The following NFIB variants were observed in gnomAD, a reference collection of about 807,000 sequenced individuals.
NFIB encodes nuclear factor I B.
In NFIB, 11 loss-of-function variants were observed where a neutral mutation model predicts 61.5. That is an observed-to-expected ratio of 0.18 (90% CI 0.11 to 0.30). NFIB has a LOEUF of 0.30. Among genes scored for constraint, NFIB ranks in the 10% least tolerant of loss-of-function variants. The pLI is 1.00. For missense variants in NFIB, 471 were observed against 608.9 expected (o/e 0.77, Z 2.38); for synonymous variants, 260 against 216.5 (o/e 1.20, Z -1.76).
Position 14,327,027 on chromosome 9 carries a change from G to A in NFIB, c.109-19507C>T, listed in dbSNP as rs2060761903. Among the ~76,000 whole-genome samples, 4 of 152,074 alleles carry A rather than the reference G, an allele frequency of 2.6e-5. No homozygotes were observed. The South Asian group carries it at 8.3e-4, about 32-fold the overall frequency. ...TAATGATTAAATTGAGCATAAAAAA[G>A]CAAGTGTTTTCTGCAAAAAATTTCA... On this transcript the variant is annotated intron_variant, in intron 1 of 8. Coordinates refer to the NFIB transcript ENST00000380934.
chr9:14,265,569 G>T (rs922396546), intron 2 of NFIB, among the ~76,000 whole-genome samples: 1 of 152,116 alleles, frequency 6.6e-6, no homozygotes, highest in Non-Finnish European at 1.5e-5. Context: ...CTCCAGTGAG[G>T]AAATAAATTT....
chr9:14,193,108 A>C (rs542065661), intron 2 of NFIB, among the ~76,000 whole-genome samples: 2 of 151,488 alleles, frequency 1.3e-5, no homozygotes, highest in South Asian at 4.2e-4. Flanking sequence ...ATGCATACTG[A>C]TACATAAAAA....
At chr9:14,265,598 A>G (rs1196113346) in intron 2 of NFIB, among the ~76,000 whole-genome samples, 1 of 152,198 alleles carries the variant, frequency 6.6e-6, no homozygotes, top group African/African-American at 2.4e-5. Flanking sequence ...TAAGCAACAC[A>G]GTCTATAGTA....
chr9:14,320,505 T>G (rs990767114), intron 1 of NFIB, among the ~76,000 whole-genome samples: 3 of 152,184 alleles, frequency 2.0e-5, no homozygotes, highest in Admixed American at 1.3e-4. Context: ...AATGAAAACA[T>G]CAAACCTCAA....
the NFIB span, among the ~76,000 whole-genome samples, chr9:14,408,728 T>C: frequency 6.6e-6 from 1 of 152,312 alleles, no homozygotes; most frequent in East Asian, 1.9e-4. Context: ...AAAATTACAA[T>C]AGAATCAGAG....
At chr9:14,452,105 G>T in the NFIB span, among the ~76,000 whole-genome samples, 1 of 151,988 alleles carries the variant, frequency 6.6e-6, no homozygotes, top group East Asian at 1.9e-4. Context: ...GCAGCAATTT[G>T]CATTTCTGGT....
the NFIB span, among the ~76,000 whole-genome samples, chr9:14,513,694 GT>G: frequency 7.9e-5 from 12 of 151,168 alleles, no homozygotes; most frequent in Admixed American, 2.0e-4. Context: ...AAAAGCTATA[GT>G]TTTTTTTCTT....
the NFIB span, among the ~76,000 whole-genome samples, chr9:14,472,799 C>G: frequency 6.6e-6 from 1 of 151,892 alleles, no homozygotes; most frequent in Non-Finnish European, 1.5e-5. Flanking sequence ...CGAGATCGAG[C>G]CAACGCACTG....
At chr9:14,298,029 T>C (rs1162168673) in intron 2 of NFIB, among the ~76,000 whole-genome samples, 1 of 152,170 alleles carries the variant, frequency 6.6e-6, no homozygotes, top group Admixed American at 6.5e-5. Context: ...TTTTACATGC[T>C]GGCAAAAGTC....
upstream of NFIB, chr9:14,314,276 C>T (rs945334577): frequency 9.7e-6 from 5 of 514,262 alleles, no homozygotes; most frequent in Admixed American, 6.4e-5. Context: ...GGCGCGTGGT[C>T]CCCGGCAGCA....
intron 2 of NFIB, among the ~76,000 whole-genome samples, chr9:14,287,014 A>G (rs530111861): frequency 6.6e-6 from 1 of 152,322 alleles, no homozygotes; most frequent in Non-Finnish European, 1.5e-5. Context: ...AAGAACTTTC[A>G]TTCACTTTTT....
At chr9:14,434,102 G>A in the NFIB span, among the ~76,000 whole-genome samples, 22 of 152,124 alleles carry the variant, frequency 1.4e-4, no homozygotes, top group East Asian at 3.8e-4. Flanking sequence ...GCCTAAATAC[G>A]TACATTTTCT....
the NFIB span, among the ~76,000 whole-genome samples, chr9:14,515,947 C>T: frequency 6.6e-6 from 1 of 152,256 alleles, no homozygotes; most frequent in Admixed American, 6.5e-5. Flanking sequence ...CATTCAAAGG[C>T]TGTGACTGCT....
chr9:14,282,202 G>C (rs1225457629), intron 2 of NFIB, among the ~76,000 whole-genome samples: 1 of 152,084 alleles, frequency 6.6e-6, no homozygotes, highest in East Asian at 1.9e-4. Context: ...CATTTTTTCA[G>C]TAACCATTCA....
At chr9:14,222,777 C>G (rs1465870194) in intron 2 of NFIB, among the ~76,000 whole-genome samples, 25 of 87,320 alleles carry the variant, frequency 2.9e-4, no homozygotes, top group Non-Finnish European at 3.9e-4. Flanking sequence ...GCCTGGGCAA[C>G]AGAGTAAGAT....
chr9:14,137,109 T>C lies in NFIB; in HGVS notation c.925+9580A>G, dbSNP rs571169889. Among the ~76,000 whole-genome samples, 23 of 152,294 alleles carry C rather than the reference T, an allele frequency of 1.5e-4. No individual in the cohort carries two copies. The South Asian group carries it at 3.1e-3, about 21-fold the overall frequency. ...GAGATAATGTCAATGAAACCGAATATTGTCACAGGATAATGGTCTCCCATT... is the reference window on the plus strand; with the variant it reads ...GAGATAATGTCAATGAAACCGAATACTGTCACAGGATAATGGTCTCCCATT... On this transcript the variant is annotated intron_variant, in intron 6 of 10. Coordinates refer to ENST00000380953, the MANE Select transcript of NFIB (RefSeq NM_001190737.2).
rs370593110 is a variant in NFIB, at chr9:14,196,526, C to T, written c.563-16746G>A. On this transcript the variant is annotated intron_variant, in intron 2 of 10. Coordinates refer to ENST00000380953, the MANE Select transcript of NFIB (RefSeq NM_001190737.2). ...CACTGGACACCTGAGAAGCCAAAAG[C>T]GCTACACCAAAATATACCACCTTTA... Among the ~76,000 whole-genome samples the T allele has an allele frequency of 1.1e-4, 16 of 152,170 alleles. No individual in the cohort carries two copies. In the East Asian group the frequency reaches 2.3e-3, roughly 22 times the overall value.
intron 3 of NFIB, among the ~76,000 whole-genome samples, chr9:14,167,084 G>GGC (rs1491370053): frequency 1.3e-4 from 5 of 37,614 alleles, no homozygotes. Context: ...TGTGTGTGTC[G>GGC]GGGGGGGGGG....
chr9:14,188,795 A>G (rs2047644171), intron 2 of NFIB, among the ~76,000 whole-genome samples: 1 of 152,200 alleles, frequency 6.6e-6, no homozygotes, highest in African/African-American at 2.4e-5. Context: ...TTTCAGCTAT[A>G]CTATGTAATA....
Sources: allele counts gnomAD v4.1 joint callset (sites outside exome capture counted in the v4.1 genomes callset), GRCh38; gene constraint gnomAD v4.1.1; transcripts MANE v1.5; gene names NCBI Gene and HGNC (gene_info 2026-07-23, HGNC 2026-07-21).